The following DYNC1I2 variants were observed in gnomAD, a reference collection of about 807,000 sequenced individuals.
DYNC1I2 encodes the protein cytoplasmic dynein 1 intermediate chain 2.
A neutral mutation model predicts 88.6 loss-of-function variants in DYNC1I2; 53 were observed. The observed-to-expected ratio is 0.60, with a 90% CI of 0.48 to 0.75. The LOEUF (loss-of-function observed/expected upper bound fraction) is 0.75. Among genes scored for constraint, DYNC1I2 ranks in the 30% least tolerant of loss-of-function variants. DYNC1I2 has a pLI of 0.00. For missense variants in DYNC1I2, 458 were observed against 766.6 expected, an observed-to-expected ratio of 0.60 and a Z score of 4.75; for synonymous variants, 198 against 254.6, an observed-to-expected ratio of 0.78 and a Z score of 2.12.
At chr2:171,699,363 G>A (rs1374302980) in intron 3 of DYNC1I2, among the ~76,000 whole-genome samples, 1 of 152,090 alleles carries the variant, frequency 6.6e-6, no homozygotes, top group Non-Finnish European at 1.5e-5. Flanking sequence ...TTTTGTATAT[G>A]TACTAATGAA....
chr2:171,699,136 GT>G, intron 3 of DYNC1I2, among the ~76,000 whole-genome samples: 1 of 152,054 alleles, frequency 6.6e-6, no homozygotes. Flanking sequence ...GTGAAACCCC[GT>G]CTCTACTAAA....
chr2:171,731,406 A>G (rs1035223727), intron 15 of DYNC1I2, among the ~76,000 whole-genome samples: 1 of 152,214 alleles, frequency 6.6e-6, no homozygotes, highest in Non-Finnish European at 1.5e-5. Flanking sequence ...AACCATAAGT[A>G]TAACACAAAT....
Position 171,690,261 on chromosome 2 carries a change from G to A in DYNC1I2, c.106G>A (p.Glu36Lys). 2 of 1,536,108 alleles carry A rather than the reference G, an allele frequency of 1.3e-6. No individual in the cohort carries two copies. Among genetic ancestry groups the A allele is most frequent in the Non-Finnish European group, 8.8e-7 (1 of 1,139,292 alleles). Reference sequence around the variant, plus strand: ...AAAAGAAGAAGAAAGGAAAAAAAAAGAAGTATGTTTGATTTTTTTGCTTAA... The same window carrying A: ...AAAAGAAGAAGAAAGGAAAAAAAAAAAAGTATGTTTGATTTTTTTGCTTAA... ...KRKEEERKKK[E>K]TDQKKEAVAP... The change falls in exon 2 of 18, where the codon GAA becomes AAA. Residue 36 changes from glutamate to lysine, a missense_variant and splice_region_variant. Around this residue, in one of 5 missense-constraint regions of DYNC1I2, gnomAD observed 55 missense variants for 57.1 expected, o/e 0.96. Transcript: ENST00000397119.
At position 171,749,426 on chromosome 2, in the gene DYNC1I2, CAA is replaced by C. The variant is rs1447196356; in HGVS notation, c.*1538_*1539del. On this transcript the variant is annotated 3_prime_UTR_variant, in exon 18 of 18. Transcript: ENST00000397119. ...ATAATTGCCCATTATATACCAAAGA[CAA>C]TATCTCAAGTTATCTCATTGTAGCA... is the stretch of plus-strand genomic sequence containing the variant. Among the ~76,000 whole-genome samples the C allele has an allele frequency of 1.3e-5, 2 of 152,080 alleles. No individual in the cohort carries two copies. The highest frequency in any genetic ancestry group is 3.8e-4 in the East Asian group (2 of 5,196).
chr2:171,728,592 G>C, intron 13 of DYNC1I2, 125 bp from the exon 14 acceptor site: 1 of 973,908 alleles, frequency 1.0e-6, no homozygotes, highest in Non-Finnish European at 1.5e-6. Flanking sequence ...TTTGAAACCT[G>C]CTTCATTTAA....
At chr2:171,728,654 T>C in intron 13 of DYNC1I2, 63 bp from the exon 14 acceptor site, 1 of 1,387,960 alleles carries the variant, frequency 7.2e-7, no homozygotes. Context: ...AGACTAGAAG[T>C]TTTTCTACAG....
Position 171,729,786 on chromosome 2 carries a change from C to T in DYNC1I2, c.1469C>T (p.Ala490Val). Residue 490 changes from alanine to valine, a missense_variant, in exon 15 of 18, where the codon GCA (alanine) becomes GTA (valine). Coordinates refer to ENST00000397119, the MANE Select transcript of DYNC1I2 (RefSeq NM_001378.3). ...TGIHCHAAVGAVDFSHLFVTS... is the reference protein window; with the variant it reads ...TGIHCHAAVGVVDFSHLFVTS... Reference sequence around the variant, plus strand: ...ATCCATTGTCATGCAGCTGTTGGAGCAGTAGACTTCTCACATCTTTTTGTC... The same window carrying T: ...ATCCATTGTCATGCAGCTGTTGGAGTAGTAGACTTCTCACATCTTTTTGTC... 6.2e-7 allele frequency: 1 copy of T among 1,613,712 alleles called. No individual in the cohort carries two copies. The highest frequency in any genetic ancestry group is 8.5e-7 in the Non-Finnish European group (1 of 1,179,772).
intron 1 of DYNC1I2, among the ~76,000 whole-genome samples, chr2:171,688,855 A>C (rs1359081699): frequency 6.6e-6 from 1 of 152,114 alleles, no homozygotes; most frequent in Non-Finnish European, 1.5e-5. Flanking sequence ...AGTTTTCCAG[A>C]GGTTATTCTC....
At chr2:171,737,532 C>T (rs1184154051) in intron 15 of DYNC1I2, among the ~76,000 whole-genome samples, 1 of 152,124 alleles carries the variant, frequency 6.6e-6, no homozygotes, top group African/African-American at 2.4e-5. Context: ...ATTATCATGC[C>T]CCAGCCTCCC....
chr2:171,694,653 G>A lies in DYNC1I2; in HGVS notation c.226+1759G>A, dbSNP rs539815435. Among the ~76,000 whole-genome samples, 12 of 151,962 alleles carry A rather than the reference G, an allele frequency of 7.9e-5. 1 individual carries two copies. Among genetic ancestry groups the A allele is most frequent in the East Asian group, 3.9e-4 (2 of 5,156 alleles). On this transcript the variant is annotated intron_variant, in intron 3 of 17. Transcript: ENST00000397119. ...GTGTGGGCAACAGGAGTGAAACTCC[G>A]TCTCAAAAAAAAAGAAAAGAGGTTT...
intron 3 of DYNC1I2, 69 bp from the exon 4 acceptor site, chr2:171,706,478 A>G (rs1686684250): frequency 1.5e-6 from 2 of 1,337,312 alleles, no homozygotes; most frequent in African/African-American, 1.4e-5. Context: ...ACTATGAAAA[A>G]TGTGTATTTT....
At chr2:171,711,034 A>G (rs1687087826) in intron 5 of DYNC1I2, among the ~76,000 whole-genome samples, 1 of 119,208 alleles carries the variant, frequency 8.4e-6, no homozygotes, top group Admixed American at 8.9e-5. Context: ...TCACCCCACG[A>G]CAGGCCCCGG....
intron 1 of DYNC1I2, 66 bp downstream of exon 1, chr2:171,687,693 C>A (rs930088124): frequency 3.9e-5 from 6 of 152,264 alleles, no homozygotes; most frequent in Non-Finnish European, 2.9e-5. Context: ...GGAGCGACCT[C>A]GTTCTGGTGA....
chr2:171,698,224 T>G (rs1239084412), intron 3 of DYNC1I2, among the ~76,000 whole-genome samples: 2 of 152,224 alleles, frequency 1.3e-5, no homozygotes, highest in Non-Finnish European at 2.9e-5. Context: ...TCTTTCTGCA[T>G]TTATTGGCTA....
chr2:171,704,049 A>ATG lies in DYNC1I2; in HGVS notation c.227-2495_227-2494dup, dbSNP rs368946638. 6.4e-3 allele frequency among the ~76,000 whole-genome samples: 978 copies of ATG among 152,226 alleles called. 4 individuals are homozygous for ATG. Among genetic ancestry groups the ATG allele is most frequent in the Non-Finnish European group, 0.011 (721 of 68,006 alleles). ...CTTCTACTTGAAAAATAATTCAGCT[A>ATG]TGTGCCATCCTTTGCCCTTGAGACT... On this transcript the variant is annotated intron_variant, in intron 3 of 17. Coordinates refer to ENST00000397119, the MANE Select transcript of DYNC1I2 (RefSeq NM_001378.3).
At chr2:171,746,065 AC>A in intron 17 of DYNC1I2, 138 bp downstream of exon 17, 1 of 802,908 alleles carries the variant, frequency 1.2e-6, no homozygotes, top group Non-Finnish European at 1.8e-6. Context: ...CTTACTTTCT[AC>A]CACAGAAGCA....
At chr2:171,735,661 A>G (rs1230379220) in intron 15 of DYNC1I2, among the ~76,000 whole-genome samples, 3 of 152,246 alleles carry the variant, frequency 2.0e-5, no homozygotes, top group Admixed American at 2.0e-4. Flanking sequence ...CCATCTCAAA[A>G]TACCAAATTT....
intron 7 of DYNC1I2, among the ~76,000 whole-genome samples, chr2:171,720,532 G>C (rs2105642895): frequency 6.6e-6 from 1 of 152,202 alleles, no homozygotes. Flanking sequence ...TCAGAAGTTT[G>C]AGACCAGCTT....
intron 3 of DYNC1I2, among the ~76,000 whole-genome samples, chr2:171,699,493 C>G (rs903767111): frequency 1.3e-5 from 2 of 151,596 alleles, no homozygotes; most frequent in Admixed American, 6.6e-5. Flanking sequence ...ATAAAAGATG[C>G]CTGTTTCTTA....
Sources: allele counts gnomAD v4.1 joint callset (sites outside exome capture counted in the v4.1 genomes callset), GRCh38; gene constraint gnomAD v4.1.1; regional missense constraint gnomAD v4.1.1; transcripts MANE v1.5; gene names NCBI Gene and HGNC (gene_info 2026-07-23, HGNC 2026-07-21).